Variants in GALNT13 observed in about 807,000 individuals in gnomAD.
GALNT13 encodes UDP-GalNAc:polypeptide N-acetylgalactosaminyltransferase 13.
A neutral mutation model predicts 64.2 loss-of-function variants in GALNT13; 28 were observed. The observed-to-expected ratio is 0.44, with a 90% CI of 0.32 to 0.60. The LOEUF (loss-of-function observed/expected upper bound fraction) is 0.60, where lower values mean the gene tolerates loss of function less well. Ranked by LOEUF, GALNT13 falls within the 20% of genes least tolerant of loss-of-function variation. GALNT13 has a pLI of 0.05. For missense variants in GALNT13, 577 were observed against 669.8 expected, an observed-to-expected ratio of 0.86 and a Z score of 1.53; for synonymous variants, 214 against 224.6, an observed-to-expected ratio of 0.95 and a Z score of 0.42.
chr2:154,302,691 T>C (rs1693510756), intron 9 of GALNT13, among the ~76,000 whole-genome samples: 1 of 152,294 alleles, frequency 6.6e-6, no homozygotes, highest in East Asian at 1.9e-4. Flanking sequence ...ATAAGACACA[T>C]CAGTGAACTC....
the GALNT13 span, among the ~76,000 whole-genome samples, chr2:153,408,864 T>C: frequency 6.6e-6 from 1 of 152,114 alleles, no homozygotes; most frequent in Non-Finnish European, 1.5e-5. Flanking sequence ...TTTGAGTCAG[T>C]GGACTCAGTG....
the GALNT13 span, among the ~76,000 whole-genome samples, chr2:153,165,413 C>G: frequency 0.016 from 2,426 of 152,240 alleles, 34 homozygotes; most frequent in Middle Eastern, 0.071. Context: ...CCTCATAATT[C>G]TTATACCATA....
At chr2:154,152,494 G>T (rs1274914654) in intron 4 of GALNT13, among the ~76,000 whole-genome samples, 1 of 152,152 alleles carries the variant, frequency 6.6e-6, no homozygotes, top group African/African-American at 2.4e-5. Context: ...CTAGATTGGG[G>T]AAGTTCTCCT....
the GALNT13 span, among the ~76,000 whole-genome samples, chr2:153,440,558 C>G: frequency 3.9e-5 from 6 of 152,202 alleles, no homozygotes; most frequent in African/African-American, 1.4e-4. Flanking sequence ...CTAATCCACA[C>G]TCCCACCAAC....
chr2:153,400,138 T>A, the GALNT13 span, among the ~76,000 whole-genome samples: 13 of 151,866 alleles, frequency 8.6e-5, no homozygotes, highest in Non-Finnish European at 1.5e-4. Context: ...GCATGAATGG[T>A]TGTTGAATTT....
At chr2:154,212,625 C>T (rs953095874) in intron 4 of GALNT13, among the ~76,000 whole-genome samples, 1 of 151,808 alleles carries the variant, frequency 6.6e-6, no homozygotes, top group Non-Finnish European at 1.5e-5. Flanking sequence ...TTCTCCTTTT[C>T]TTTCTCCTCC....
chr2:153,764,263 A>C, the GALNT13 span, among the ~76,000 whole-genome samples: 1 of 152,270 alleles, frequency 6.6e-6, no homozygotes, highest in South Asian at 2.1e-4. Context: ...GAGGCTGGGC[A>C]TGGTGGCTCA....
At chr2:153,768,752 A>C in the GALNT13 span, among the ~76,000 whole-genome samples, 1 of 152,082 alleles carries the variant, frequency 6.6e-6, no homozygotes, top group Non-Finnish European at 1.5e-5. Flanking sequence ...TGTAGTCCCA[A>C]CTACTCGGAA....
chr2:154,423,902 C>T (rs1286132208), intron 11 of GALNT13, among the ~76,000 whole-genome samples: 4 of 152,078 alleles, frequency 2.6e-5, no homozygotes, highest in Non-Finnish European at 4.4e-5. Context: ...ATAGTGATAC[C>T]GTGCACCCTT....
At chr2:153,500,916 T>C in the GALNT13 span, among the ~76,000 whole-genome samples, 1 of 152,150 alleles carries the variant, frequency 6.6e-6, no homozygotes. Flanking sequence ...TTGGAACATA[T>C]ATTAATATTA....
the GALNT13 span, among the ~76,000 whole-genome samples, chr2:153,538,367 ATTTAT>A: frequency 0.51 from 47,399 of 93,652 alleles, 10,787 homozygotes; most frequent in East Asian, 0.71. Context: ...TTTTTATTTT[ATTTAT>A]TTTATTTTAT....
At chr2:154,215,782 TGGA>T (rs1469335030) in intron 4 of GALNT13, among the ~76,000 whole-genome samples, 1 of 152,098 alleles carries the variant, frequency 6.6e-6, no homozygotes. Flanking sequence ...AATGAATGCT[TGGA>T]GGAGCAAATG....
At chr2:154,155,989 A>G (rs936187998) in intron 4 of GALNT13, among the ~76,000 whole-genome samples, 5 of 151,898 alleles carry the variant, frequency 3.3e-5, no homozygotes, top group Admixed American at 6.6e-5. Flanking sequence ...ACGTATATTT[A>G]TGTATTGCAT....
chr2:154,073,862 C>T lies in GALNT13; in HGVS notation c.143-66475C>T, dbSNP rs372744874. ...GGAATATATGTGTGAAACAAAATAA[C>T]ATAACAAAAACAACATACTATAGCA... On this transcript the variant is annotated intron_variant, in intron 3 of 12. Coordinates refer to ENST00000392825, the MANE Select transcript of GALNT13 (RefSeq NM_052917.4). 3.3e-5 allele frequency among the ~76,000 whole-genome samples: 5 copies of T among 151,820 alleles called. No homozygotes were observed. In the East Asian group the frequency reaches 5.8e-4, roughly 18 times the overall value.
the GALNT13 span, among the ~76,000 whole-genome samples, chr2:153,262,381 G>A: frequency 6.6e-6 from 1 of 152,138 alleles, no homozygotes; most frequent in African/African-American, 2.4e-5. Context: ...AAGAGGAGGT[G>A]GTACCATTTC....
chr2:153,765,776 G>A, the GALNT13 span, among the ~76,000 whole-genome samples: 1 of 152,036 alleles, frequency 6.6e-6, no homozygotes, highest in Non-Finnish European at 1.5e-5. Context: ...GTCCAGGGTG[G>A]GGCCAAATAG....
At chr2:153,315,320 A>G in the GALNT13 span, among the ~76,000 whole-genome samples, 49 of 152,152 alleles carry the variant, frequency 3.2e-4, no homozygotes, top group Admixed American at 3.2e-3. Context: ...TGGTTCAGAG[A>G]TGGTGACTTC....
the GALNT13 span, among the ~76,000 whole-genome samples, chr2:153,704,232 C>T: frequency 3.9e-5 from 6 of 152,084 alleles, no homozygotes; most frequent in Non-Finnish European, 8.8e-5. Flanking sequence ...TCATAGAGGA[C>T]AACTGTTGGT....
At chr2:153,759,952 T>C in the GALNT13 span, among the ~76,000 whole-genome samples, 1 of 152,128 alleles carries the variant, frequency 6.6e-6, no homozygotes, top group African/African-American at 2.4e-5. Context: ...GGAGACTTTA[T>C]TACTGATTCT....
Sources: allele counts gnomAD v4.1 joint callset (sites outside exome capture counted in the v4.1 genomes callset), GRCh38; gene constraint gnomAD v4.1.1; transcripts MANE v1.5; gene names NCBI Gene and HGNC (gene_info 2026-07-23, HGNC 2026-07-21).